Variants in BANK1 observed in about 807,000 individuals in gnomAD.
The protein encoded by BANK1 is B-cell scaffold protein with ankyrin repeats.
Under a neutral mutation model 94.5 loss-of-function variants are expected in BANK1, and 95 were observed. That is an observed-to-expected ratio of 1.00 (90% CI 0.85 to 1.19). The LOEUF (loss-of-function observed/expected upper bound fraction) is 1.19. Among genes scored for constraint, BANK1 ranks in the 50% most tolerant of loss-of-function variants. The pLI, the probability that BANK1 is intolerant of heterozygous loss-of-function variation, is 0.00. For missense variants in BANK1, 987 were observed against 932.2 expected, an observed-to-expected ratio of 1.06 and a Z score of -0.77; for synonymous variants, 334 against 308.4, an observed-to-expected ratio of 1.08 and a Z score of -0.87.
rs977803598 is a variant in BANK1 at position 102,038,204 on chromosome 4, C to T, written c.1901-5635C>T. Reference sequence around the variant, plus strand: ...TATTAGAGTACCAAGTTTTATCATCCTGTGAAATATAACAGTGCAAATCAT... The same window carrying T: ...TATTAGAGTACCAAGTTTTATCATCTTGTGAAATATAACAGTGCAAATCAT... On this transcript the variant is annotated intron_variant, in intron 10 of 16. Transcript: ENST00000322953. Among the ~76,000 whole-genome samples, 3 of 152,060 alleles carry T rather than the reference C, an allele frequency of 2.0e-5. No individual in the cohort carries two copies. The East Asian group carries it at 5.8e-4, about 29-fold the overall frequency.
At chr4:102,038,650 G>C (rs1317734939) in intron 10 of BANK1, among the ~76,000 whole-genome samples, 2 of 152,106 alleles carry the variant, frequency 1.3e-5, no homozygotes, top group East Asian at 1.9e-4. Flanking sequence ...GCTATAATTA[G>C]AGCAAGCTCC....
At chr4:101,796,551 C>A (rs769454003) in intron 1 of BANK1, among the ~76,000 whole-genome samples, 1 of 151,940 alleles carries the variant, frequency 6.6e-6, no homozygotes, top group Non-Finnish European at 1.5e-5. Flanking sequence ...GAGAGTCCTG[C>A]CTTTATTAGT....
At chr4:101,914,194 A>G (rs1253599983) in intron 6 of BANK1, among the ~76,000 whole-genome samples, 1 of 152,094 alleles carries the variant, frequency 6.6e-6, no homozygotes, top group African/African-American at 2.4e-5. Context: ...ATGGTTGTGG[A>G]AGTGGATTCT....
intron 2 of BANK1, among the ~76,000 whole-genome samples, chr4:101,849,527 A>G (rs10856963): frequency 0.54 from 82,139 of 151,834 alleles, 23,372 homozygotes; most frequent in African/African-American, 0.72. Context: ...ATATACACAC[A>G]CACACAAATA....
At chr4:102,052,770 T>G (rs1326267094) in intron 11 of BANK1, among the ~76,000 whole-genome samples, 1 of 152,164 alleles carries the variant, frequency 6.6e-6, no homozygotes, top group African/African-American at 2.4e-5. Flanking sequence ...ACTAGGCAGT[T>G]GGCAACAAAA....
chr4:101,887,578 TTAA>T (rs1407986602), intron 5 of BANK1, among the ~76,000 whole-genome samples: 3 of 152,192 alleles, frequency 2.0e-5, no homozygotes, highest in African/African-American at 7.2e-5. Flanking sequence ...ATTCTGTCAG[TTAA>T]TTATTATTGA....
intron 7 of BANK1, among the ~76,000 whole-genome samples, chr4:101,973,344 A>G (rs1439337103): frequency 2.0e-5 from 3 of 152,024 alleles, no homozygotes; most frequent in African/African-American, 4.8e-5. Flanking sequence ...ATAACATTCA[A>G]AAAAACTTAG....
At chr4:102,002,477 T>C (rs924835786) in intron 7 of BANK1, among the ~76,000 whole-genome samples, 3 of 151,878 alleles carry the variant, frequency 2.0e-5, no homozygotes, top group Admixed American at 6.6e-5. Context: ...CTCCAAAATA[T>C]TAGTAATCAT....
chr4:101,963,701 A>G (rs1246668268), intron 7 of BANK1, among the ~76,000 whole-genome samples: 1 of 152,104 alleles, frequency 6.6e-6, no homozygotes, highest in East Asian at 1.9e-4. Flanking sequence ...ATGCTTTTCA[A>G]ACCATAAGCA....
intron 7 of BANK1, among the ~76,000 whole-genome samples, chr4:101,956,510 A>G (rs926235314): frequency 2.6e-5 from 4 of 152,206 alleles, no homozygotes; most frequent in Non-Finnish European, 5.9e-5. Context: ...CAGGCAGTTT[A>G]GGCAGTCCCC....
At chr4:102,045,371 A>G (rs1004131783) in intron 11 of BANK1, among the ~76,000 whole-genome samples, 1 of 152,162 alleles carries the variant, frequency 6.6e-6, no homozygotes. Flanking sequence ...TTCCCTTTGA[A>G]AACTGGCACA....
intron 1 of BANK1, among the ~76,000 whole-genome samples, chr4:101,794,917 T>C (rs1290009110): frequency 6.6e-6 from 1 of 152,152 alleles, no homozygotes; most frequent in East Asian, 1.9e-4. Context: ...ATGTGTCATA[T>C]CTTTGTTTCT....
At position 101,886,550 on chromosome 4, in the gene BANK1, T is replaced by G. The variant is rs796891392; in HGVS notation, c.904-8755T>G. 2.6e-5 allele frequency among the ~76,000 whole-genome samples: 4 copies of G among 152,332 alleles called. No homozygotes were observed. In the South Asian group the frequency reaches 8.3e-4, roughly 32 times the overall value. On this transcript the variant is annotated intron_variant, in intron 5 of 16. Coordinates refer to ENST00000322953, the MANE Select transcript of BANK1 (RefSeq NM_017935.5). The stretch of plus-strand genomic sequence containing the variant: ...TATATTTGTTTTAAAACTTCTTATA[T>G]TTAACAGTACGTTGTTACAAAATGG...
intron 3 of BANK1, among the ~76,000 whole-genome samples, chr4:101,858,936 A>G (rs1422902090): frequency 6.6e-6 from 1 of 152,240 alleles, no homozygotes; most frequent in Admixed American, 6.5e-5. Flanking sequence ...TGGATTATGT[A>G]ATAAACAAAT....
intron 7 of BANK1, among the ~76,000 whole-genome samples, chr4:102,013,236 A>G (rs1433938154): frequency 6.6e-6 from 1 of 152,062 alleles, no homozygotes; most frequent in Non-Finnish European, 1.5e-5. Flanking sequence ...ATTATTCGCT[A>G]TTCTCTTATA....
intron 3 of BANK1, among the ~76,000 whole-genome samples, chr4:101,859,357 C>T (rs1000577014): frequency 2.0e-5 from 3 of 152,172 alleles, no homozygotes; most frequent in Non-Finnish European, 4.4e-5. Context: ...AAAATAATGC[C>T]TGTGTCCTAC....
At chr4:101,907,508 C>T (rs1435830232) in intron 6 of BANK1, among the ~76,000 whole-genome samples, 2 of 152,106 alleles carry the variant, frequency 1.3e-5, no homozygotes, top group African/African-American at 2.4e-5. Flanking sequence ...ACAGGGATGC[C>T]CTCTCTCACC....
intron 7 of BANK1, chr4:101,981,888 G>A (rs1278663213): frequency 6.6e-6 from 1 of 152,152 alleles, no homozygotes; most frequent in Admixed American, 6.6e-5. Flanking sequence ...AAGCACTGCT[G>A]CTTGGCATAC....
intron 7 of BANK1, among the ~76,000 whole-genome samples, chr4:101,922,009 C>CGTGTGTGTGTGTGTGTGTGT (rs68027862): frequency 7.7e-6 from 1 of 129,366 alleles, no homozygotes. Flanking sequence ...ACACTGGGCC[C>CGTGTGTGTGTGTGTGTGTGT]GTGTGTGTGT....
Sources: allele counts gnomAD v4.1 joint callset (sites outside exome capture counted in the v4.1 genomes callset), GRCh38; gene constraint gnomAD v4.1.1; transcripts MANE v1.5; gene names NCBI Gene and HGNC (gene_info 2026-07-23, HGNC 2026-07-21).